The following KCNK2 variants were observed in gnomAD, a reference collection of about 807,000 sequenced individuals.
KCNK2 encodes potassium channel subfamily K member 2.
A neutral mutation model predicts 40.5 loss-of-function variants in KCNK2; 21 were observed. That is an observed-to-expected ratio of 0.52 (90% CI 0.37 to 0.75). The LOEUF (loss-of-function observed/expected upper bound fraction) is 0.75, where lower values mean the gene tolerates loss of function less well. KCNK2 is among the 30% of genes least tolerant of loss of function. The pLI is 0.00. For missense variants in KCNK2, 399 were observed against 531.6 expected (o/e 0.75, Z 2.45); for synonymous variants, 191 against 202.2 (o/e 0.94, Z 0.47).
At chr1:215,173,405 T>G (rs1017187543) in intron 5 of KCNK2, among the ~76,000 whole-genome samples, 5 of 152,194 alleles carry the variant, frequency 3.3e-5, no homozygotes, top group African/African-American at 1.2e-4. Context: ...GTCTTTGCTA[T>G]TGTGAATAGT....
At chr1:215,088,322 G>A (rs1243888576) in intron 2 of KCNK2, among the ~76,000 whole-genome samples, 1 of 152,034 alleles carries the variant, frequency 6.6e-6, no homozygotes, top group African/African-American at 2.4e-5. Flanking sequence ...TATTAGAAGT[G>A]TCATCTTAAA....
chr1:215,220,362 C>T (rs915147717), intron 6 of KCNK2, among the ~76,000 whole-genome samples: 1 of 152,196 alleles, frequency 6.6e-6, no homozygotes, highest in Non-Finnish European at 1.5e-5. Context: ...ACTGCCACCA[C>T]CAGGAACCCT....
chr1:215,189,779 T>G (rs954128511), intron 5 of KCNK2, among the ~76,000 whole-genome samples: 2 of 152,168 alleles, frequency 1.3e-5, no homozygotes, highest in East Asian at 1.9e-4. Context: ...AAACACCTTA[T>G]TCAGTAAAAT....
chr1:215,028,243 C>T (rs924625831), intron 1 of KCNK2, among the ~76,000 whole-genome samples: 4 of 151,970 alleles, frequency 2.6e-5, no homozygotes, highest in African/African-American at 7.2e-5. Context: ...AAAAATCAGC[C>T]GAGCGTGGTG....
At chr1:215,234,573 A>G (rs1187241167) in intron 6 of KCNK2, among the ~76,000 whole-genome samples, 1 of 152,148 alleles carries the variant, frequency 6.6e-6, no homozygotes, top group East Asian at 1.9e-4. Context: ...AAACAAGCAC[A>G]TGTAGAGCCC....
At chr1:215,230,546 C>CACACAGCCATATATATATATATATAT (rs1666611631) in intron 6 of KCNK2, among the ~76,000 whole-genome samples, 1 of 115,372 alleles carries the variant, frequency 8.7e-6, no homozygotes, top group Non-Finnish European at 1.7e-5. Context: ...TATATATACA[C>CACACAGCCATATATATATATATATAT]ACACATAACA....
At chr1:215,008,342 T>A (rs955550925) in intron 1 of KCNK2, among the ~76,000 whole-genome samples, 1 of 152,266 alleles carries the variant, frequency 6.6e-6, no homozygotes, top group East Asian at 1.9e-4. Context: ...TCAAAATTTC[T>A]ATAGCCAGAG....
intron 1 of KCNK2, 79 bp from the exon 2 acceptor site, chr1:215,086,289 T>C: frequency 8.4e-7 from 1 of 1,194,388 alleles, no homozygotes; most frequent in Non-Finnish European, 1.2e-6. Flanking sequence ...ATCAACCTTC[T>C]CTGACCCCTT....
intron 2 of KCNK2, among the ~76,000 whole-genome samples, chr1:215,094,748 T>G (rs1659905649): frequency 6.6e-6 from 1 of 152,122 alleles, no homozygotes. Flanking sequence ...ATATGAAGAT[T>G]AACAAGTTAA....
At chr1:215,194,429 G>T (rs548975101) in intron 5 of KCNK2, among the ~76,000 whole-genome samples, 1 of 152,234 alleles carries the variant, frequency 6.6e-6, no homozygotes, top group Non-Finnish European at 1.5e-5. Context: ...CATTGTCTCT[G>T]GCATTTGTTA....
At chr1:215,156,031 G>A (rs1370433484) in intron 3 of KCNK2, among the ~76,000 whole-genome samples, 1 of 150,616 alleles carries the variant, frequency 6.6e-6, no homozygotes, top group Non-Finnish European at 1.5e-5. Context: ...ATGTGTGTGT[G>A]TATATATTTG....
intron 3 of KCNK2, among the ~76,000 whole-genome samples, chr1:215,168,070 C>T (rs973915695): frequency 1.3e-5 from 2 of 152,244 alleles, no homozygotes; most frequent in East Asian, 1.9e-4. Context: ...ACAGACACTT[C>T]TCAAAAGAAG....
At chr1:215,083,626 C>A (rs573324603) in intron 1 of KCNK2, 195 bp downstream of exon 1, 8 of 609,026 alleles carry the variant, frequency 1.3e-5, no homozygotes, top group East Asian at 1.1e-4. Context: ...CTTCTCCCCC[C>A]TCTCCCGCCG....
intron 2 of KCNK2, among the ~76,000 whole-genome samples, chr1:215,109,331 A>G (rs188486587): frequency 6.6e-6 from 1 of 152,018 alleles, no homozygotes; most frequent in African/African-American, 2.4e-5. Flanking sequence ...CCATTAACCA[A>G]CCTCTCTTAA....
chr1:215,107,219 C>T (rs74366157), intron 2 of KCNK2, among the ~76,000 whole-genome samples: 1,546 of 151,992 alleles, frequency 0.01, 24 homozygotes, highest in African/African-American at 0.036. Flanking sequence ...AATCTATGAG[C>T]ATGGAACACT....
chr1:215,007,087 GTATATATATA>G (rs201749435), intron 1 of KCNK2, among the ~76,000 whole-genome samples: 1 of 120,492 alleles, frequency 8.3e-6, no homozygotes, highest in African/African-American at 3.4e-5. Flanking sequence ...ATATATGTGT[GTATATATATA>G]TGTATATATA....
chr1:215,049,109 G>A (rs1030192626), intron 1 of KCNK2, among the ~76,000 whole-genome samples: 21 of 152,210 alleles, frequency 1.4e-4, no homozygotes, highest in African/African-American at 3.1e-4. Context: ...TCCCATCAGC[G>A]TTATATGAGT....
At chr1:215,222,641 C>T (rs1434015856) in intron 6 of KCNK2, among the ~76,000 whole-genome samples, 2 of 151,648 alleles carry the variant, frequency 1.3e-5, no homozygotes, top group African/African-American at 2.4e-5. Flanking sequence ...TTAAGAAGAC[C>T]TTATGAATAT....
At chr1:215,233,111 G>A (rs1666738464) in intron 6 of KCNK2, among the ~76,000 whole-genome samples, 1 of 152,110 alleles carries the variant, frequency 6.6e-6, no homozygotes, top group Admixed American at 6.6e-5. Flanking sequence ...GGAACAGTAA[G>A]TATCTCCAGG....
Sources: allele counts gnomAD v4.1 joint callset (sites outside exome capture counted in the v4.1 genomes callset), GRCh38; gene constraint gnomAD v4.1.1; transcripts MANE v1.5; gene names NCBI Gene and HGNC (gene_info 2026-07-23, HGNC 2026-07-21).